The following SH3RF3 variants were observed in gnomAD, a reference collection of about 807,000 sequenced individuals.
The protein encoded by SH3RF3 is E3 ubiquitin-protein ligase SH3RF3.
A neutral mutation model predicts 66.3 loss-of-function variants in SH3RF3; 29 were observed. The observed-to-expected ratio is 0.44, with a 90% CI of 0.33 to 0.60. The LOEUF is 0.60. Among genes scored for constraint, SH3RF3 ranks in the 20% least tolerant of loss-of-function variants. SH3RF3 has a pLI of 0.04. For missense variants in SH3RF3, 1,194 were observed against 1,190.9 expected, an observed-to-expected ratio of 1.00 and a Z score of -0.04; for synonymous variants, 583 against 532.0, an observed-to-expected ratio of 1.10 and a Z score of -1.32.
intron 1 of SH3RF3, chr2:109,141,707 C>T (rs376590321): frequency 1.3e-5 from 2 of 154,762 alleles, no homozygotes; most frequent in African/African-American, 2.4e-5. Context: ...CAGCATCTCC[C>T]AGGAGAAAGC....
intron 2 of SH3RF3, among the ~76,000 whole-genome samples, chr2:109,355,994 T>A (rs2105601666): frequency 6.6e-6 from 1 of 152,300 alleles, no homozygotes; most frequent in Admixed American, 6.5e-5. Flanking sequence ...GAATCATTAT[T>A]GTTTCCAGAA....
chr2:109,293,354 G>T (rs1037434859), intron 1 of SH3RF3, among the ~76,000 whole-genome samples: 1 of 152,212 alleles, frequency 6.6e-6, no homozygotes, highest in Non-Finnish European at 1.5e-5. Flanking sequence ...GTGTCATCAG[G>T]GGCCAGAAAA....
At chr2:109,171,017 A>G (rs945594848) in intron 1 of SH3RF3, among the ~76,000 whole-genome samples, 3 of 152,188 alleles carry the variant, frequency 2.0e-5, no homozygotes, top group African/African-American at 7.2e-5. Context: ...GCACACCTGC[A>G]TGCCAGGTGC....
At chr2:109,286,344 A>G (rs1681030053) in intron 1 of SH3RF3, among the ~76,000 whole-genome samples, 1 of 152,200 alleles carries the variant, frequency 6.6e-6, no homozygotes, top group Non-Finnish European at 1.5e-5. Context: ...TGTGCTGCCC[A>G]CGCAGTGGTC....
intron 1 of SH3RF3, chr2:109,251,463 C>G (rs2105260814): frequency 1.4e-6 from 1 of 731,194 alleles, no homozygotes; most frequent in East Asian, 2.7e-5. Context: ...AATCTATGGA[C>G]AAGAAGTTGT....
intron 1 of SH3RF3, among the ~76,000 whole-genome samples, chr2:109,263,915 G>A (rs1292632768): frequency 2.0e-5 from 3 of 152,242 alleles, no homozygotes; most frequent in Non-Finnish European, 4.4e-5. Flanking sequence ...CTTGCAGTGA[G>A]CCAAGATCGT....
At position 109,215,225 on chromosome 2, in the gene SH3RF3, T is replaced by A. The variant is rs560508977; in HGVS notation, c.573+85112T>A. On this transcript the variant is annotated intron_variant, in intron 1 of 9. Coordinates refer to ENST00000309415, the MANE Select transcript of SH3RF3 (RefSeq NM_001099289.3). ...ACCTCCCCTCATGGTCCCTGCCCCC[T>A]TACTAATGTCACGGGCAGAGGAAAC... 3.3e-5 allele frequency among the ~76,000 whole-genome samples: 5 copies of A among 152,238 alleles called. 1 individual carries two copies. The highest frequency in any genetic ancestry group is 7.4e-5 in the Non-Finnish European group (5 of 68,010).
In SH3RF3 at chr2:109,129,926, C is replaced by G. The variant is rs989715039; in HGVS notation, c.386C>G (p.Thr129Ser). 2.7e-6 allele frequency: 4 copies of G among 1,490,926 alleles called. No homozygotes were observed. Among genetic ancestry groups the G allele is most frequent in the Non-Finnish European group, 3.6e-6 (4 of 1,126,582 alleles). The allele number at this position is 1,490,926 out of a possible 1,614,324, so 92.4% of individuals were successfully genotyped here. The change falls in exon 1 of 10, where the codon ACC becomes AGC. Residue 129 changes from threonine (T) to serine (S), a missense_variant. Thr to Ser is a moderately conservative substitution (Grantham distance 58, BLOSUM62 1). Transcript: ENST00000309415. ...ATCCGTCAGCGGCCCCGCGCGGGCACCAGCCCCGGCGGCAGCCCGCCCGCG... is the reference window on the plus strand; with the variant it reads ...ATCCGTCAGCGGCCCCGCGCGGGCAGCAGCCCCGGCGGCAGCCCGCCCGCG... ...DGIRQRPRAG[T>S]SPGGSPPARP...
At chr2:109,213,424 A>G (rs1258394623) in intron 1 of SH3RF3, among the ~76,000 whole-genome samples, 1 of 152,186 alleles carries the variant, frequency 6.6e-6, no homozygotes, top group Non-Finnish European at 1.5e-5. Context: ...TAGGGAAGAA[A>G]GTGTTCCCAG....
intron 2 of SH3RF3, among the ~76,000 whole-genome samples, chr2:109,361,623 G>A (rs749011552): frequency 3.9e-5 from 6 of 152,030 alleles, no homozygotes; most frequent in Admixed American, 6.6e-5. Context: ...ACAGGCATAC[G>A]CCACCATGCC....
At chr2:109,275,107 T>A (rs2105328354) in intron 1 of SH3RF3, among the ~76,000 whole-genome samples, 1 of 152,292 alleles carries the variant, frequency 6.6e-6, no homozygotes, top group Non-Finnish European at 1.5e-5. Flanking sequence ...GAAAATGTGT[T>A]CCACGCTTGT....
chr2:109,135,816 C>G (rs1676802250), intron 1 of SH3RF3, among the ~76,000 whole-genome samples: 1 of 152,076 alleles, frequency 6.6e-6, no homozygotes, highest in Non-Finnish European at 1.5e-5. Flanking sequence ...TAAATTTGCT[C>G]CAAGTTTATC....
intron 1 of SH3RF3, among the ~76,000 whole-genome samples, chr2:109,205,711 T>G (rs1678794507): frequency 6.6e-6 from 1 of 152,208 alleles, no homozygotes; most frequent in Non-Finnish European, 1.5e-5. Context: ...AGGTGTTGTT[T>G]CGGGGCAGTG....
intron 1 of SH3RF3, among the ~76,000 whole-genome samples, chr2:109,299,817 T>A (rs1476235668): frequency 6.6e-6 from 1 of 152,152 alleles, no homozygotes; most frequent in East Asian, 1.9e-4. Flanking sequence ...ATTTATTGAT[T>A]AAAATGCTTA....
chr2:109,498,024 A>C (rs28529023), intron 9 of SH3RF3, among the ~76,000 whole-genome samples: 38,646 of 151,850 alleles, frequency 0.25, 5,217 homozygotes, highest in East Asian at 0.5. Flanking sequence ...GTTTGTGTGT[A>C]TGCTGTCTGA....
chr2:109,219,555 C>CT (rs1196996906), intron 1 of SH3RF3, among the ~76,000 whole-genome samples: 1 of 152,046 alleles, frequency 6.6e-6, no homozygotes, highest in Non-Finnish European at 1.5e-5. Context: ...ATAGAAAACT[C>CT]TAAGGAGTTC....
intron 7 of SH3RF3, among the ~76,000 whole-genome samples, chr2:109,441,904 A>G (rs1486729887): frequency 6.6e-6 from 1 of 152,242 alleles, no homozygotes; most frequent in Non-Finnish European, 1.5e-5. Context: ...ACATACTGAA[A>G]GAAATATAGC....
chr2:109,301,907 C>A (rs1422844856), intron 1 of SH3RF3, among the ~76,000 whole-genome samples: 1 of 152,184 alleles, frequency 6.6e-6, no homozygotes, highest in African/African-American at 2.4e-5. Flanking sequence ...AGTAGCTTCC[C>A]CGGTGCGGGA....
chr2:109,182,881 T>C (rs1678102396), intron 1 of SH3RF3, among the ~76,000 whole-genome samples: 2 of 152,226 alleles, frequency 1.3e-5, no homozygotes, highest in Admixed American at 1.3e-4. Flanking sequence ...CCATATAAAA[T>C]TATACTGTTT....
Sources: gnomAD v4.1 joint callset for allele counts (sites outside exome capture counted in the v4.1 genomes callset) on GRCh38, gnomAD v4.1.1 for gene constraint, MANE v1.5 for transcripts, NCBI Gene and HGNC (gene_info 2026-07-23, HGNC 2026-07-21) for gene names.